BMPER: variants seen among roughly 807,000 people sequenced by gnomAD.
BMPER encodes BMP-binding endothelial regulator protein.
In BMPER, 45 loss-of-function variants were observed where a neutral mutation model predicts 87.3. The ratio of observed to expected loss-of-function variants is 0.52; its 90% CI spans 0.41 to 0.66. The LOEUF (loss-of-function observed/expected upper bound fraction) is 0.66, where lower values mean the gene tolerates loss of function less well. Ranked by LOEUF, BMPER falls within the 30% of genes least tolerant of loss-of-function variation. BMPER has a pLI of 0.00. For synonymous variants in BMPER, 326 were observed against 316.2 expected (o/e 1.03, Z -0.33); for missense variants, 784 against 867.5 (o/e 0.90, Z 1.21).
In BMPER at chr7:34,020,741, C is replaced by G. The variant is rs145243236; in HGVS notation, c.577-25565C>G. Among the ~76,000 whole-genome samples the G allele has an allele frequency of 7.9e-3, 1,205 of 151,914 alleles. 16 individuals carry two copies. The highest frequency in any genetic ancestry group is 0.031 in the Middle Eastern group (9 of 294). ...TTCCTTAGGGAAGTGTCTGCTGAGT[C>G]CCAGCAGACAAGAGCACCAGTTAGT... On this transcript the variant is annotated intron_variant, in intron 6 of 14. Transcript: ENST00000649409.
intron 6 of BMPER, among the ~76,000 whole-genome samples, chr7:33,990,097 A>G (rs868065976): frequency 1.3e-5 from 2 of 151,210 alleles, no homozygotes; most frequent in Non-Finnish European, 2.9e-5. Flanking sequence ...TTGGCGATGC[A>G]GGCTCTTTTT....
intron 6 of BMPER, among the ~76,000 whole-genome samples, chr7:34,034,049 C>T (rs1023175072): frequency 9.9e-5 from 15 of 152,134 alleles, no homozygotes; most frequent in Admixed American, 6.5e-4. Context: ...GTCACAGTTA[C>T]GGAGCTGTGG....
rs189438757 is a variant in BMPER at position 33,946,719 on chromosome 7, C to T, written c.319+9331C>T. ...ATCATGACTTTTACTTATTTTCCTC[C>T]GAAAAAGATGCTGATATTGAAAAGG... On this transcript the variant is annotated intron_variant, in intron 3 of 14. Coordinates refer to ENST00000649409, the MANE Select transcript of BMPER (RefSeq NM_001365308.1). Among the ~76,000 whole-genome samples, 475 of 152,214 alleles carry T rather than the reference C, an allele frequency of 3.1e-3. 4 individuals are homozygous for T. Among genetic ancestry groups the T allele is most frequent in the African/African-American group, 0.01 (419 of 41,544 alleles).
At chr7:33,976,237 C>T (rs1785684033) in intron 6 of BMPER, among the ~76,000 whole-genome samples, 1 of 152,168 alleles carries the variant, frequency 6.6e-6, no homozygotes, top group Admixed American at 6.5e-5. Flanking sequence ...CCTGCAGCCT[C>T]TGACTCCCAG....
At chr7:34,071,039 A>C (rs1276724577) in intron 11 of BMPER, among the ~76,000 whole-genome samples, 1 of 152,130 alleles carries the variant, frequency 6.6e-6, no homozygotes, top group East Asian at 1.9e-4. Flanking sequence ...CTCTTCTTGT[A>C]TAAGCTGCCC....
At chr7:34,099,744 C>A (rs1287093811) in intron 13 of BMPER, among the ~76,000 whole-genome samples, 2 of 152,174 alleles carry the variant, frequency 1.3e-5, no homozygotes, top group African/African-American at 4.8e-5. Flanking sequence ...TAAACTATTT[C>A]TTTCCTTTTC....
At chr7:34,148,074 C>T (rs116570233) in intron 14 of BMPER, among the ~76,000 whole-genome samples, 1 of 152,122 alleles carries the variant, frequency 6.6e-6, no homozygotes, top group Non-Finnish European at 1.5e-5. Context: ...CTCTGCCTCT[C>T]TCTCCTACCA....
intron 11 of BMPER, among the ~76,000 whole-genome samples, chr7:34,071,941 T>C (rs1788746108): frequency 6.6e-6 from 1 of 152,196 alleles, no homozygotes; most frequent in Admixed American, 6.5e-5. Context: ...GTCTACACAT[T>C]TCTTCAGATT....
intron 6 of BMPER, among the ~76,000 whole-genome samples, chr7:34,044,119 C>G (rs1787898541): frequency 6.6e-6 from 1 of 152,114 alleles, no homozygotes; most frequent in African/African-American, 2.4e-5. Flanking sequence ...CTTGACTAAA[C>G]CAGCAAACCC....
intron 13 of BMPER, among the ~76,000 whole-genome samples, chr7:34,092,099 G>A (rs1249245247): frequency 2.0e-5 from 3 of 152,026 alleles, no homozygotes; most frequent in Non-Finnish European, 4.4e-5. Context: ...TTCATCTTAG[G>A]TCTTTATCCC....
rs545558579 is a variant in BMPER, at chr7:34,036,868, C to G, written c.577-9438C>G. Reference sequence around the variant, plus strand: ...TTGGTGGAAGGAGAAGAATTTCTTTCTTTTTCAAAGAAAAAACGTAAAAGA... The same window carrying G: ...TTGGTGGAAGGAGAAGAATTTCTTTGTTTTTCAAAGAAAAAACGTAAAAGA... On this transcript the variant is annotated intron_variant, in intron 6 of 14. Transcript: ENST00000649409. 5.9e-5 allele frequency among the ~76,000 whole-genome samples: 9 copies of G among 152,086 alleles called. No individual in the cohort carries two copies. In the South Asian group the frequency reaches 1.9e-3, roughly 32 times the overall value.
At chr7:33,922,167 G>C (rs1470143461) in intron 2 of BMPER, 4 of 193,336 alleles carry the variant, frequency 2.1e-5, no homozygotes, top group Admixed American at 1.1e-4. Context: ...TTGCTGGACA[G>C]TTTCCCATGC....
intron 2 of BMPER, among the ~76,000 whole-genome samples, chr7:33,916,891 C>T (rs1418698041): frequency 6.6e-6 from 1 of 152,120 alleles, no homozygotes; most frequent in Non-Finnish European, 1.5e-5. Context: ...CTCCAAGTTC[C>T]AAAACATGAT....
intron 6 of BMPER, among the ~76,000 whole-genome samples, chr7:34,002,592 AGTT>A (rs1247795557): frequency 6.6e-6 from 1 of 151,786 alleles, no homozygotes; most frequent in Non-Finnish European, 1.5e-5. Flanking sequence ...TATTCTGCTT[AGTT>A]GTTCTATCTA....
intron 6 of BMPER, among the ~76,000 whole-genome samples, chr7:33,983,551 C>A (rs1183215258): frequency 6.6e-6 from 1 of 152,066 alleles, no homozygotes; most frequent in Non-Finnish European, 1.5e-5. Context: ...GTTCTGCAAC[C>A]TAGGAGGTCT....
intron 3 of BMPER, among the ~76,000 whole-genome samples, chr7:33,951,820 T>G (rs1057165739): frequency 6.6e-6 from 1 of 152,234 alleles, no homozygotes; most frequent in Non-Finnish European, 1.5e-5. Context: ...TGTTTGCAAC[T>G]GTTCCTGGCC....
At chr7:34,123,471 C>T (rs1361787880) in intron 13 of BMPER, among the ~76,000 whole-genome samples, 1 of 152,220 alleles carries the variant, frequency 6.6e-6, no homozygotes, top group African/African-American at 2.4e-5. Flanking sequence ...GCCCTGGCCA[C>T]ACTCAGGACA....
intron 13 of BMPER, among the ~76,000 whole-genome samples, chr7:34,137,262 G>C (rs910258283): frequency 1.3e-5 from 2 of 152,240 alleles, no homozygotes; most frequent in Non-Finnish European, 2.9e-5. Context: ...ACAGCAGAAA[G>C]GTTCTTGCAG....
intron 7 of BMPER, among the ~76,000 whole-genome samples, chr7:34,048,652 C>T (rs17169631): frequency 0.15 from 22,701 of 152,160 alleles, 2,790 homozygotes; most frequent in African/African-American, 0.34. Context: ...ACTGTGGATA[C>T]GCTGAGTCAA....
Sources: allele counts gnomAD v4.1 joint callset (sites outside exome capture counted in the v4.1 genomes callset), GRCh38; gene constraint gnomAD v4.1.1; transcripts MANE v1.5; gene names NCBI Gene and HGNC (gene_info 2026-07-23, HGNC 2026-07-21).